TADA2B: variants seen among roughly 807,000 people sequenced by gnomAD.
The protein encoded by TADA2B is transcriptional adaptor 2B, also known as transcriptional adapter 2-beta.
TADA2B carries 13 observed loss-of-function variants against 34.5 expected under a neutral mutation model. The ratio of observed to expected loss-of-function variants is 0.38; its 90% CI spans 0.25 to 0.60. The LOEUF (loss-of-function observed/expected upper bound fraction) is 0.60, where lower values mean the gene tolerates loss of function less well. Among genes scored for constraint, TADA2B ranks in the 20% least tolerant of loss-of-function variants. TADA2B has a pLI of 0.65. For missense variants in TADA2B, 442 were observed against 575.0 expected (o/e 0.77, Z 2.37); for synonymous variants, 240 against 243.4 (o/e 0.99, Z 0.13).
Position 7,051,621 on chromosome 4 carries a change from A to G in TADA2B, c.271-2441A>G, listed in dbSNP as rs1368612402. On this transcript the variant is annotated intron_variant, in intron 1 of 1. Transcript: ENST00000310074. The stretch of plus-strand genomic sequence containing the variant: ...TTTTTTTTGGTTTTGTTTTTGAGAC[A>G]GAGTCTCGCTCTTTCGCCCAGGCTG... Among the ~76,000 whole-genome samples, 5 of 151,020 alleles carry G rather than the reference A, an allele frequency of 3.3e-5. No homozygotes were observed. In the East Asian group the frequency reaches 9.7e-4, roughly 29 times the overall value.
intron 1 of TADA2B, among the ~76,000 whole-genome samples, chr4:7,048,816 G>A (rs1464745971): frequency 2.6e-5 from 4 of 152,124 alleles, no homozygotes; most frequent in Admixed American, 6.5e-5. Context: ...CGTGGGTCCT[G>A]CAGGATTTGT....
Position 7,057,490 on chromosome 4 carries a change from G to A in TADA2B, c.*2436G>A, listed in dbSNP as rs1482444482. On this transcript the variant is annotated 3_prime_UTR_variant, in exon 2 of 2. Transcript: ENST00000310074. The stretch of plus-strand genomic sequence containing the variant: ...TAGCCACCATAATCCCATGGAATTA[G>A]GTCTTGTTAAAATCTAGTCCGGGCG... The A allele has an allele frequency of 2.6e-5, 4 of 152,166 alleles. No individual in the cohort carries two copies. Among genetic ancestry groups the A allele is most frequent in the Non-Finnish European group, 5.9e-5 (4 of 68,030 alleles). The allele number at this position is 152,166 out of a possible 1,614,324, so 9.4% of individuals were successfully genotyped here.
rs924898731 is a variant in TADA2B, at chr4:7,056,462, G to GTTTACCTCC, written c.*1409_*1417dup. 1.3e-5 allele frequency: 2 copies of GTTTACCTCC among 152,594 alleles called. No homozygotes were observed. The highest frequency in any genetic ancestry group is 2.9e-5 in the Non-Finnish European group (2 of 68,036). 9.5% of individuals were successfully genotyped at this position (152,594 alleles called of 1,614,324 possible). On this transcript the variant is annotated 3_prime_UTR_variant, in exon 2 of 2. Transcript: ENST00000310074. ...CGGGCCCCGTAGGTACCAAGAGACTGTTTACCTCCCAGAATGTTTGGGCTT... is the reference window on the plus strand; with the variant it reads ...CGGGCCCCGTAGGTACCAAGAGACTGTTTACCTCCTTTACCTCCCAGAATGTTTGGGCTT...
rs761129790 is a variant in TADA2B at position 7,057,448 on chromosome 4, T to G, written c.*2394T>G. Reference sequence around the variant, plus strand: ...CTCAGAGCCTCCACATTTTTATATTTAATTCTCATGATAAATTAGCCACCA... The same window carrying G: ...CTCAGAGCCTCCACATTTTTATATTGAATTCTCATGATAAATTAGCCACCA... On this transcript the variant is annotated 3_prime_UTR_variant, in exon 2 of 2. Transcript: ENST00000310074. 6.6e-6 allele frequency: 1 copy of G among 152,246 alleles called. No individual in the cohort carries two copies. Among genetic ancestry groups the G allele is most frequent in the Non-Finnish European group, 1.5e-5 (1 of 68,040 alleles). The allele number at this position is 152,246 out of a possible 1,614,324, so 9.4% of individuals were successfully genotyped here. A position where few individuals can be genotyped will look rare whatever the true frequency, so the allele number is the denominator to read the frequency against.
At position 7,054,851 on chromosome 4, in the gene TADA2B, C is replaced by G; in HGVS notation, c.1060C>G (p.Arg354Gly). 6.2e-7 allele frequency: 1 copy of G among 1,613,882 alleles called. No individual in the cohort carries two copies. The highest frequency in any genetic ancestry group is 8.5e-7 in the Non-Finnish European group (1 of 1,179,868). ...NLPGFELLSD[R>G]EKVLCSSLNL... ...TCCAGGCTTCGAGCTCCTGTCAGAT[C>G]GCGAGAAGGTGCTCTGCAGCTCTTT... Residue 354 changes from arginine to glycine, a missense_variant, in exon 2 of 2, where the codon CGC becomes GGC. Physicochemically the swap from Arg to Gly is moderately radical, Grantham distance 125. Coordinates refer to ENST00000310074, the MANE Select transcript of TADA2B (RefSeq NM_152293.3).
chr4:7,051,378 G>C (rs1344967411), intron 1 of TADA2B, among the ~76,000 whole-genome samples: 2 of 152,190 alleles, frequency 1.3e-5, no homozygotes, highest in Admixed American at 1.3e-4. Context: ...CCTCCAGCAG[G>C]GTGGGCGCTG....
chr4:7,047,617 A>G (rs1455075784), intron 1 of TADA2B, among the ~76,000 whole-genome samples: 1 of 152,258 alleles, frequency 6.6e-6, no homozygotes, highest in East Asian at 1.9e-4. Flanking sequence ...AGAACAGGCT[A>G]GGAGGAAGAC....
At chr4:7,043,952 C>G in intron 1 of TADA2B, 103 bp downstream of exon 1, 1 of 1,329,760 alleles carries the variant, frequency 7.5e-7, no homozygotes, top group Non-Finnish European at 9.6e-7. Flanking sequence ...TCGCTCGCTC[C>G]GCACCCCAGA....
intron 1 of TADA2B, among the ~76,000 whole-genome samples, chr4:7,052,496 T>C (rs1460211167): frequency 6.6e-6 from 1 of 152,208 alleles, no homozygotes. Context: ...GGCTGCTCCA[T>C]GAGAGGGGAC....
chr4:7,052,198 G>A (rs1432771557), intron 1 of TADA2B, among the ~76,000 whole-genome samples: 1 of 152,272 alleles, frequency 6.6e-6, no homozygotes, highest in Non-Finnish European at 1.5e-5. Context: ...GGCTGGAGAA[G>A]CTGCACAGGC....
At position 7,055,186 on chromosome 4, in the gene TADA2B, T is replaced by C; in HGVS notation, c.*132T>C. On this transcript the variant is annotated 3_prime_UTR_variant, in exon 2 of 2. Coordinates refer to ENST00000310074, the MANE Select transcript of TADA2B (RefSeq NM_152293.3). ...GAGTTCCTTTTTTTAAGATAGAAAT[T>C]CTTTTCATGGTCCTCTGAAAGAAGC... is the stretch of plus-strand genomic sequence containing the variant. 2 of 920,384 alleles carry C rather than the reference T, an allele frequency of 2.2e-6. No homozygotes were observed. The highest frequency in any genetic ancestry group is 3.2e-6 in the Non-Finnish European group (2 of 621,014). The allele number at this position is 920,384 out of a possible 1,614,324, so 57.0% of individuals were successfully genotyped here. A position where few individuals can be genotyped will look rare whatever the true frequency, so the allele number is the denominator to read the frequency against.
Position 7,055,069 on chromosome 4 carries a change from G to A in TADA2B, c.*15G>A, listed in dbSNP as rs1471701528. On this transcript the variant is annotated 3_prime_UTR_variant, in exon 2 of 2. Coordinates refer to ENST00000310074, the MANE Select transcript of TADA2B (RefSeq NM_152293.3). ...ACGCGTCTTGAAGCTGAGACGCTTT[G>A]AAAGCCAGGGTGATGCTCAGACAGT... is the stretch of plus-strand genomic sequence containing the variant. 7 of 1,594,830 alleles carry A rather than the reference G, an allele frequency of 4.4e-6. No individual in the cohort carries two copies. In the East Asian group the frequency reaches 1.6e-4, roughly 36 times the overall value.
chr4:7,046,601 G>T (rs1723636356), intron 1 of TADA2B, among the ~76,000 whole-genome samples: 1 of 152,216 alleles, frequency 6.6e-6, no homozygotes, highest in African/African-American at 2.4e-5. Context: ...CAGAGGCTGG[G>T]AGGCCATCGG....
At position 7,056,473 on chromosome 4, in the gene TADA2B, A is replaced by G. The variant is rs549516136; in HGVS notation, c.*1419A>G. On this transcript the variant is annotated 3_prime_UTR_variant, in exon 2 of 2. Coordinates refer to ENST00000310074, the MANE Select transcript of TADA2B (RefSeq NM_152293.3). ...GGTACCAAGAGACTGTTTACCTCCCAGAATGTTTGGGCTTGAAGTTACATT... is the reference window on the plus strand; with the variant it reads ...GGTACCAAGAGACTGTTTACCTCCCGGAATGTTTGGGCTTGAAGTTACATT... The G allele has an allele frequency of 1.3e-5, 2 of 152,718 alleles. No homozygotes were observed. Among genetic ancestry groups the G allele is most frequent in the South Asian group, 4.1e-4 (2 of 4,826 alleles). The allele number at this position is 152,718 out of a possible 1,614,324, so 9.5% of individuals were successfully genotyped here. A position where few individuals can be genotyped will look rare whatever the true frequency, so the allele number is the denominator to read the frequency against.
At chr4:7,050,343 CTGCCCGCTGAA>C (rs1723730350) in intron 1 of TADA2B, among the ~76,000 whole-genome samples, 1 of 152,246 alleles carries the variant, frequency 6.6e-6, no homozygotes, top group African/African-American at 2.4e-5. Context: ...CTTGAGAGCT[CTGCCCGCTGAA>C]TGCCCTTCCC....
intron 1 of TADA2B, among the ~76,000 whole-genome samples, chr4:7,051,391 A>G (rs1577216548): frequency 6.6e-6 from 1 of 152,270 alleles, no homozygotes; most frequent in South Asian, 2.1e-4. Context: ...GGGCGCTGCC[A>G]GGCCTCCAAT....
At chr4:7,052,295 C>A (rs1437480102) in intron 1 of TADA2B, among the ~76,000 whole-genome samples, 4 of 152,276 alleles carry the variant, frequency 2.6e-5, no homozygotes, top group African/African-American at 9.6e-5. Flanking sequence ...CTTCCAGGCA[C>A]CCCAGGATGT....
intron 1 of TADA2B, among the ~76,000 whole-genome samples, chr4:7,049,863 C>T (rs1415836713): frequency 2.0e-5 from 3 of 152,238 alleles, no homozygotes; most frequent in African/African-American, 7.2e-5. Context: ...CCTACCTTTG[C>T]CCGGCCGCTC....
chr4:7,044,042 C>A (rs1560390444), intron 1 of TADA2B, among the ~76,000 whole-genome samples, 193 bp downstream of exon 1: 1 of 152,280 alleles, frequency 6.6e-6, no homozygotes, highest in Non-Finnish European at 1.5e-5. Context: ...GAGGCTGTGA[C>A]GCGCCCAAGG....
Sources: allele counts gnomAD v4.1 joint callset (sites outside exome capture counted in the v4.1 genomes callset), GRCh38; gene constraint gnomAD v4.1.1; transcripts MANE v1.5; gene names NCBI Gene and HGNC (gene_info 2026-07-23, HGNC 2026-07-21).